Variants in CORO1C observed in about 807,000 individuals in gnomAD.
The protein encoded by CORO1C is coronin-1C.
A neutral mutation model predicts 51.2 loss-of-function variants in CORO1C; 14 were observed. That is an observed-to-expected ratio of 0.27 (90% CI 0.18 to 0.43). The LOEUF is 0.43. CORO1C is among the 20% of genes least tolerant of loss of function. The pLI is 1.00. For missense variants in CORO1C, 417 were observed against 607.8 expected (o/e 0.69, Z 3.30); for synonymous variants, 181 against 210.5 (o/e 0.86, Z 1.21).
At chr12:108,691,173 T>C (rs2136851058) in intron 2 of CORO1C, among the ~76,000 whole-genome samples, 1 of 151,990 alleles carries the variant, frequency 6.6e-6, no homozygotes, top group East Asian at 2.0e-4. Flanking sequence ...CAGTATAGAC[T>C]CAATTCAGTC....
At position 108,645,401 on chromosome 12, in the gene CORO1C, G is replaced by A. The variant is rs926542202; in HGVS notation, c.*2002C>T. On this transcript the variant is annotated 3_prime_UTR_variant, in exon 11 of 11. Coordinates refer to ENST00000261401, the MANE Select transcript of CORO1C (RefSeq NM_014325.4). ...CTCTTTGAACCACATGCCCTACGGT[G>A]TTTCACCACCATCAACAACTTTACT... 10 of 152,240 alleles carry A rather than the reference G, an allele frequency of 6.6e-5. No individual in the cohort carries two copies. The highest frequency in any genetic ancestry group is 2.4e-4 in the African/African-American group (10 of 41,514). The allele number at this position is 152,240 out of a possible 1,614,324, so 9.4% of individuals were successfully genotyped here.
At chr12:108,710,310 G>T (rs1311055596) in intron 1 of CORO1C, among the ~76,000 whole-genome samples, 1 of 152,088 alleles carries the variant, frequency 6.6e-6, no homozygotes, top group Non-Finnish European at 1.5e-5. Context: ...AGGCCAAAAA[G>T]GAGGATTACG....
intron 8 of CORO1C, among the ~76,000 whole-genome samples, chr12:108,651,882 G>A (rs997376033): frequency 2.0e-5 from 3 of 152,010 alleles, no homozygotes; most frequent in African/African-American, 7.2e-5. Flanking sequence ...GAGATGTGCC[G>A]GGTGTGGTGG....
Position 108,678,338 on chromosome 12 carries a change from C to T in CORO1C, c.252G>A (p.Leu84=). 1 of 1,610,430 alleles carries T rather than the reference C, an allele frequency of 6.2e-7. No homozygotes were observed. The highest frequency in any genetic ancestry group is 2.2e-5 in the East Asian group (1 of 44,598). ...PTVCGHTGPV[L]DIDWCPHNDQ... ...CGTTATGTGGGCACCAGTCTATGTC[C>T]AGCACTGGTCCTGTGTGGCCACATA... Residue 84 remains leucine, a synonymous_variant, in exon 3 of 11, where the codon CTG becomes CTA. Coordinates refer to ENST00000261401, the MANE Select transcript of CORO1C (RefSeq NM_014325.4).
chr12:108,651,611 G>A (rs768831209), intron 8 of CORO1C, among the ~76,000 whole-genome samples: 5 of 152,092 alleles, frequency 3.3e-5, no homozygotes, highest in Admixed American at 6.5e-5. Context: ...TTCCATCCCC[G>A]AGCCAGGCTC....
chr12:108,677,641 A>T (rs1045264582), intron 3 of CORO1C, among the ~76,000 whole-genome samples: 1 of 152,216 alleles, frequency 6.6e-6, no homozygotes, highest in Non-Finnish European at 1.5e-5. Context: ...GGGGAAATTC[A>T]TGTGGTCAAA....
intron 1 of CORO1C, among the ~76,000 whole-genome samples, chr12:108,705,404 G>A (rs2034996728): frequency 7.2e-6 from 1 of 138,214 alleles, no homozygotes; most frequent in Non-Finnish European, 1.5e-5. Flanking sequence ...AGGTCGCAGT[G>A]AGCCGAGATC....
chr12:108,693,146 T>G (rs928231397), intron 2 of CORO1C, among the ~76,000 whole-genome samples: 2 of 151,950 alleles, frequency 1.3e-5, no homozygotes, highest in Non-Finnish European at 2.9e-5. Context: ...TCGTTCACAC[T>G]CAGTAGAAAA....
intron 8 of CORO1C, among the ~76,000 whole-genome samples, chr12:108,651,890 T>C (rs1201318884): frequency 6.6e-6 from 1 of 151,748 alleles, no homozygotes; most frequent in Admixed American, 6.6e-5. Flanking sequence ...CCGGGTGTGG[T>C]GGTGGGCGCC....
rs536038958 is a variant in CORO1C, at chr12:108,675,323, AT to A, written c.318+2948del. Among the ~76,000 whole-genome samples, 748 of 152,236 alleles carry A rather than the reference AT, an allele frequency of 4.9e-3. 3 individuals carry two copies. The highest frequency in any genetic ancestry group is 6.2e-3 in the Admixed American group (95 of 15,302). On this transcript the variant is annotated intron_variant, in intron 3 of 10. Coordinates refer to ENST00000261401, the MANE Select transcript of CORO1C (RefSeq NM_014325.4). ...ACCTCAACATATCACATAGCAAGGA[AT>A]CTATCTATCAAAGACTCAAAGACTA... is the stretch of plus-strand genomic sequence containing the variant.
At chr12:108,654,213 A>G in intron 7 of CORO1C, 93 bp downstream of exon 7, 1 of 823,962 alleles carries the variant, frequency 1.2e-6, no homozygotes, top group Non-Finnish European at 2.0e-6. Flanking sequence ...GAAAAATTAA[A>G]CAGATACAAC....
intron 10 of CORO1C, 151 bp downstream of exon 10, chr12:108,648,454 C>G: frequency 9.6e-7 from 1 of 1,041,404 alleles, no homozygotes; most frequent in East Asian, 2.4e-5. Context: ...ACCACCATCA[C>G]GTGACCGAGG....
At chr12:108,719,671 C>A (rs1034707323) in intron 1 of CORO1C, among the ~76,000 whole-genome samples, 1 of 152,190 alleles carries the variant, frequency 6.6e-6, no homozygotes, top group Non-Finnish European at 1.5e-5. Context: ...TCCACCTTCA[C>A]CTCCTCCTTC....
At chr12:108,681,468 G>T (rs1034901518) in intron 2 of CORO1C, among the ~76,000 whole-genome samples, 2 of 152,122 alleles carry the variant, frequency 1.3e-5, no homozygotes, top group African/African-American at 2.4e-5. Context: ...AACAGAGAAA[G>T]GACAGATTAC....
chr12:108,692,887 T>C (rs1388246028), intron 2 of CORO1C, among the ~76,000 whole-genome samples: 1 of 139,404 alleles, frequency 7.2e-6, no homozygotes, highest in Non-Finnish European at 1.5e-5. Flanking sequence ...AACCTCTGCC[T>C]CCTGTGTTCA....
rs757195237 is a variant in CORO1C, at chr12:108,648,669, G to C, written c.1241C>G (p.Pro414Arg). 32 of 1,614,008 alleles carry C rather than the reference G, an allele frequency of 2.0e-5. No individual in the cohort carries two copies. Among genetic ancestry groups the C allele is most frequent in the Non-Finnish European group, 2.7e-5 (32 of 1,180,032 alleles). The change falls in exon 10 of 11, where the codon CCC becomes CGC. Residue 414 changes from proline to arginine, a missense_variant. Pro to Arg is a moderately radical substitution (Grantham distance 103, BLOSUM62 -2). Transcript: ENST00000261401. The stretch of plus-strand genomic sequence containing the variant: ...CAGGTCGCACTTCTTGTTTGCAGTG[G>C]GCTTGCTATCCAGAATGTTCTTCTT... ...VVKKNILDSKPTANKKCDLIS... is the reference protein window; with the variant it reads ...VVKKNILDSKRTANKKCDLIS...
rs183055686 is a variant in CORO1C at position 108,661,329 on chromosome 12, G to T, written c.448+700C>A. On this transcript the variant is annotated intron_variant, in intron 4 of 10. Coordinates refer to ENST00000261401, the MANE Select transcript of CORO1C (RefSeq NM_014325.4). ...TATCCAGAAAATGGATTAGTATGAA[G>T]TCATTAAAAATAGGAAGAGAGCTTA... Among the ~76,000 whole-genome samples the T allele has an allele frequency of 1.4e-4, 22 of 152,284 alleles. No homozygotes were observed. In the East Asian group the frequency reaches 2.7e-3, roughly 19 times the overall value.
Position 108,715,614 on chromosome 12 carries a change from G to A in CORO1C, c.-5-14291C>T, listed in dbSNP as rs759088338. Among the ~76,000 whole-genome samples the A allele has an allele frequency of 4.0e-5, 6 of 149,588 alleles. No homozygotes were observed. In the South Asian group the frequency reaches 8.5e-4, roughly 21 times the overall value. On this transcript the variant is annotated intron_variant, in intron 1 of 10. Coordinates refer to ENST00000261401, the MANE Select transcript of CORO1C (RefSeq NM_014325.4). The stretch of plus-strand genomic sequence containing the variant: ...GTCCCTTGGGAAGACAAAGGCAGGC[G>A]CTACCTGACCCGCCTCCTCCCTCCC...
chr12:108,649,837 C>T lies in CORO1C; in HGVS notation c.1002-817G>A, dbSNP rs546194483. On this transcript the variant is annotated intron_variant, in intron 8 of 10. Transcript: ENST00000261401. ...ATCCTGGCCAGATCACCAGATCAAACGGCTGGTGTGCAAGGGGGGAGTTGA... is the reference window on the plus strand; with the variant it reads ...ATCCTGGCCAGATCACCAGATCAAATGGCTGGTGTGCAAGGGGGGAGTTGA... 2.6e-4 allele frequency among the ~76,000 whole-genome samples: 39 copies of T among 152,292 alleles called. No individual in the cohort carries two copies. The South Asian group carries it at 7.3e-3, about 28-fold the overall frequency.
Sources: gnomAD v4.1 joint callset for allele counts (sites outside exome capture counted in the v4.1 genomes callset) on GRCh38, gnomAD v4.1.1 for gene constraint, MANE v1.5 for transcripts, NCBI Gene and HGNC (gene_info 2026-07-23, HGNC 2026-07-21) for gene names.